The following CYB5R3 variants were observed in gnomAD, a reference collection of about 807,000 sequenced individuals.
CYB5R3 encodes the protein cytochrome b5 reductase 3.
Under a neutral mutation model 36.5 loss-of-function variants are expected in CYB5R3, and 28 were observed. The ratio of observed to expected loss-of-function variants is 0.77; its 90% CI spans 0.57 to 1.05. The LOEUF (loss-of-function observed/expected upper bound fraction) is 1.05. Among genes scored for constraint, CYB5R3 ranks in the 50% least tolerant of loss-of-function variants. The pLI is 0.00. For synonymous variants in CYB5R3, 181 were observed against 159.8 expected (o/e 1.13, Z -1.00); for missense variants, 474 against 408.9 (o/e 1.16, Z -1.37).
Position 42,630,956 on chromosome 22 carries a change from C to T in CYB5R3, c.259G>A (p.Gly87Arg), listed in dbSNP as rs1019340929. Residue 87 changes from glycine (G) to arginine (R), a missense_variant, in exon 4 of 9, where the codon GGA becomes AGA. Gly to Arg is a moderately radical substitution (Grantham distance 125, BLOSUM62 -2). Transcript: ENST00000352397. ...QHIYLSARID[G>R]NLVVRPYTPI... The stretch of plus-strand genomic sequence containing the variant: ...GTATAGGGCCGGACGACCAGGTTTC[C>T]ATCAATTCGAGCCGAGAGGTAGATG... 1.4e-5 allele frequency: 22 copies of T among 1,613,912 alleles called. No homozygotes were observed. Among genetic ancestry groups the T allele is most frequent in the African/African-American group, 6.7e-5 (5 of 74,918 alleles).
In CYB5R3 at chr22:42,628,151, C is replaced by T; in HGVS notation, c.463+1G>A. On this transcript the variant is annotated splice_donor_variant, in intron 5 of 8. Coordinates refer to ENST00000352397, the MANE Select transcript of CYB5R3 (RefSeq NM_000398.7). LOFTEE classifies it high-confidence loss of function. Reference sequence around the variant, plus strand: ...AACCAAGGGATTCCGACCCGAATCACCTTTGCCCTGGTAGACCAGCAGCCC... The same window carrying T: ...AACCAAGGGATTCCGACCCGAATCATCTTTGCCCTGGTAGACCAGCAGCCC... 6.2e-7 allele frequency: 1 copy of T among 1,614,060 alleles called. No homozygotes were observed. The highest frequency in any genetic ancestry group is 8.5e-7 in the Non-Finnish European group (1 of 1,179,958).
intron 8 of CYB5R3, among the ~76,000 whole-genome samples, chr22:42,623,330 AC>A (rs1928083603): frequency 6.6e-6 from 1 of 152,188 alleles, no homozygotes; most frequent in Non-Finnish European, 1.5e-5. Context: ...GACAGGTGGA[AC>A]AAGGGTAACC....
chr22:42,638,342 G>C (rs2146896893), intron 1 of CYB5R3, among the ~76,000 whole-genome samples: 1 of 135,538 alleles, frequency 7.4e-6, no homozygotes, highest in East Asian at 2.1e-4. Flanking sequence ...GTTGCAGTGA[G>C]CCAAGATCAT....
intron 1 of CYB5R3, among the ~76,000 whole-genome samples, chr22:42,646,074 T>C (rs2146914073): frequency 6.6e-6 from 1 of 152,220 alleles, no homozygotes; most frequent in African/African-American, 2.4e-5. Flanking sequence ...CCCACACGGG[T>C]TGGAACAGGC....
At chr22:42,636,551 G>T (rs766887723) in intron 2 of CYB5R3, among the ~76,000 whole-genome samples, 164 bp downstream of exon 2, 1 of 152,206 alleles carries the variant, frequency 6.6e-6, no homozygotes, top group South Asian at 2.1e-4. Flanking sequence ...AAATTCCTCT[G>T]CTACTTCCTG....
At chr22:42,627,727 T>C (rs1477770356) in intron 5 of CYB5R3, 39 bp from the exon 6 acceptor site, 5 of 1,472,552 alleles carry the variant, frequency 3.4e-6, no homozygotes, top group Non-Finnish European at 4.8e-6. Flanking sequence ...CCATCAAACA[T>C]GCCATGTGTG....
intron 2 of CYB5R3, among the ~76,000 whole-genome samples, chr22:42,634,343 G>C (rs866783765): frequency 6.6e-6 from 1 of 151,902 alleles, no homozygotes; most frequent in Non-Finnish European, 1.5e-5. Context: ...CCTGGGCAAC[G>C]AGAGCAAAAC....
chr22:42,625,452 G>C (rs1477138595), intron 7 of CYB5R3, among the ~76,000 whole-genome samples: 1 of 152,160 alleles, frequency 6.6e-6, no homozygotes, highest in Non-Finnish European at 1.5e-5. Context: ...AGGTTGCAGT[G>C]AGCCGAGATT....
At chr22:42,624,194 C>T (rs903353989) in intron 7 of CYB5R3, among the ~76,000 whole-genome samples, 8 of 152,168 alleles carry the variant, frequency 5.3e-5, no homozygotes, top group Non-Finnish European at 7.4e-5. Context: ...AAACTAAAGG[C>T]GGCCAAGCTG....
chr22:42,619,720 TGAACAGG>T lies in CYB5R3; in HGVS notation c.*46_*52del. Reference sequence around the variant, plus strand: ...ATGTGGGGAGGTGACTGGGTGAGCGTGAACAGGGCGTGGGGTGCGCGGGGCGGGTGGC... The same window carrying T: ...ATGTGGGGAGGTGACTGGGTGAGCGTGCGTGGGGTGCGCGGGGCGGGTGGC... On this transcript the variant is annotated 3_prime_UTR_variant, in exon 9 of 9. Transcript: ENST00000352397. 3.3e-6 allele frequency: 5 copies of T among 1,507,254 alleles called. No homozygotes were observed. The highest frequency in any genetic ancestry group is 4.4e-6 in the Non-Finnish European group (5 of 1,124,840). The allele number at this position is 1,507,254 out of a possible 1,614,324, so 93.4% of individuals were successfully genotyped here.
At chr22:42,638,654 T>C (rs1467325316) in intron 1 of CYB5R3, among the ~76,000 whole-genome samples, 1 of 133,482 alleles carries the variant, frequency 7.5e-6, no homozygotes, top group African/African-American at 2.9e-5. Flanking sequence ...GGCAGAAGGT[T>C]GCCTGTGGAG....
chr22:42,638,142 T>C (rs1428701099), intron 1 of CYB5R3, among the ~76,000 whole-genome samples: 1 of 151,790 alleles, frequency 6.6e-6, no homozygotes, highest in Non-Finnish European at 1.5e-5. Flanking sequence ...ACGCCTATAA[T>C]CCCAGCAATT....
intron 1 of CYB5R3, among the ~76,000 whole-genome samples, chr22:42,645,519 C>T (rs903525447): frequency 2.0e-5 from 3 of 152,260 alleles, no homozygotes; most frequent in Admixed American, 6.5e-5. Context: ...ACGCAGCTCC[C>T]GTGGCTGAGC....
chr22:42,645,836 C>T (rs765762507), intron 1 of CYB5R3, among the ~76,000 whole-genome samples: 19 of 152,192 alleles, frequency 1.2e-4, no homozygotes, highest in South Asian at 2.1e-4. Flanking sequence ...CCATCACCGT[C>T]GGTCAGTCGT....
rs766232374 is a variant in CYB5R3 at position 42,630,936 on chromosome 22, G to C, written c.279C>G (p.Pro93=). 2 of 1,614,088 alleles carry C rather than the reference G, an allele frequency of 1.2e-6. No homozygotes were observed. Among genetic ancestry groups the C allele is most frequent in the South Asian group, 1.1e-5 (1 of 91,056 alleles). Residue 93 remains proline, a synonymous_variant, in exon 4 of 9, where the codon CCC becomes CCG. Transcript: ENST00000352397. ...ARIDGNLVVR[P]YTPISSDDDK... The stretch of plus-strand genomic sequence containing the variant: ...CATCATCGCTGGAGATGGGTGTATA[G>C]GGCCGGACGACCAGGTTTCCATCAA...
intron 8 of CYB5R3, among the ~76,000 whole-genome samples, chr22:42,623,347 G>A (rs773779035): frequency 5.9e-5 from 9 of 152,144 alleles, no homozygotes; most frequent in African/African-American, 1.9e-4. Context: ...TAACCCCAAC[G>A]TCGGCCCAGC....
At chr22:42,625,389 T>C (rs748420836) in intron 7 of CYB5R3, among the ~76,000 whole-genome samples, 1 of 152,024 alleles carries the variant, frequency 6.6e-6, no homozygotes, top group African/African-American at 2.4e-5. Flanking sequence ...GCACCTGTAA[T>C]CGCAGCTACT....
At chr22:42,629,057 G>T (rs1256587792) in intron 4 of CYB5R3, among the ~76,000 whole-genome samples, 2 of 152,162 alleles carry the variant, frequency 1.3e-5, no homozygotes, top group Non-Finnish European at 2.9e-5. Context: ...GAGCCAGCCA[G>T]GTCTCCAAGC....
intron 1 of CYB5R3, among the ~76,000 whole-genome samples, chr22:42,643,340 G>A (rs761033384): frequency 3.9e-5 from 6 of 152,176 alleles, no homozygotes; most frequent in Non-Finnish European, 8.8e-5. Flanking sequence ...ACACACAGGA[G>A]CTTTTCCTGC....
Sources: allele counts gnomAD v4.1 joint callset (sites outside exome capture counted in the v4.1 genomes callset), GRCh38; gene constraint gnomAD v4.1.1; transcripts MANE v1.5; gene names NCBI Gene and HGNC (gene_info 2026-07-23, HGNC 2026-07-21).